SERPINE2: variants seen among roughly 807,000 people sequenced by gnomAD.
SERPINE2 encodes the protein glia-derived nexin.
Under a neutral mutation model 36.3 loss-of-function variants are expected in SERPINE2, and 14 were observed. The observed-to-expected ratio is 0.39, with a 90% CI of 0.25 to 0.60. The LOEUF (loss-of-function observed/expected upper bound fraction) is 0.60, where lower values mean the gene tolerates loss of function less well. Among genes scored for constraint, SERPINE2 ranks in the 20% least tolerant of loss-of-function variants. The pLI, the probability that SERPINE2 is intolerant of heterozygous loss-of-function variation, is 0.57. For missense variants in SERPINE2, 418 were observed against 499.6 expected (o/e 0.84, Z 1.56); for synonymous variants, 192 against 191.8 (o/e 1.00, Z -0.01).
chr2:224,003,823 T>C (rs75160057), intron 1 of SERPINE2, among the ~76,000 whole-genome samples: 2,344 of 152,268 alleles, frequency 0.015, 51 homozygotes, highest in African/African-American at 0.053. Flanking sequence ...TGTGTCCCAC[T>C]CTGTTGTTAC....
chr2:224,038,382 G>T, intron 1 of SERPINE2: 1 of 853,722 alleles, frequency 1.2e-6, no homozygotes, highest in South Asian at 1.5e-5. Flanking sequence ...ATACCTGAAG[G>T]TGGAGTGCTG....
intron 1 of SERPINE2, among the ~76,000 whole-genome samples, chr2:224,006,570 TC>T (rs1472449014): frequency 1.3e-5 from 2 of 152,174 alleles, no homozygotes; most frequent in Non-Finnish European, 2.9e-5. Context: ...AAGTATGTTT[TC>T]TTTCCTCGCA....
intron 4 of SERPINE2, among the ~76,000 whole-genome samples, chr2:223,990,669 G>A (rs928625378): frequency 2.0e-5 from 3 of 152,126 alleles, no homozygotes; most frequent in African/African-American, 7.2e-5. Flanking sequence ...TCATATCCCA[G>A]GCAAAGTGAT....
chr2:223,990,339 C>T (rs1056727392), intron 4 of SERPINE2, among the ~76,000 whole-genome samples: 4 of 152,284 alleles, frequency 2.6e-5, no homozygotes, highest in African/African-American at 9.6e-5. Context: ...ATAAAACACA[C>T]ATGTATATTC....
At chr2:223,992,850 G>A (rs959339734) in intron 3 of SERPINE2, among the ~76,000 whole-genome samples, 1 of 152,210 alleles carries the variant, frequency 6.6e-6, no homozygotes, top group Non-Finnish European at 1.5e-5. Context: ...AGTGGCTTAT[G>A]TCTGTAATCC....
chr2:224,012,498 G>A (rs1691663638), intron 1 of SERPINE2, among the ~76,000 whole-genome samples: 1 of 151,844 alleles, frequency 6.6e-6, no homozygotes, highest in South Asian at 2.1e-4. Context: ...AGCTACTTGG[G>A]AGGCTGAGGC....
chr2:223,985,005 T>A, intron 4 of SERPINE2, 55 bp from the exon 5 acceptor site: 1 of 1,524,958 alleles, frequency 6.6e-7, no homozygotes, highest in Non-Finnish European at 9.1e-7. Context: ...AGAAGCAGGA[T>A]GAGTGCTTGC....
intron 1 of SERPINE2, among the ~76,000 whole-genome samples, chr2:224,034,549 A>C (rs1030259852): frequency 6.6e-6 from 1 of 152,174 alleles, no homozygotes; most frequent in Non-Finnish European, 1.5e-5. Context: ...TGGTGAGCCC[A>C]TGGAGCACTG....
chr2:223,985,477 T>C (rs1453624397), intron 4 of SERPINE2, among the ~76,000 whole-genome samples: 2 of 152,182 alleles, frequency 1.3e-5, no homozygotes, highest in African/African-American at 2.4e-5. Context: ...AATTTACTCA[T>C]TGAGCAGGAA....
chr2:224,027,761 C>A (rs1337846348), intron 1 of SERPINE2, among the ~76,000 whole-genome samples: 1 of 152,166 alleles, frequency 6.6e-6, no homozygotes, highest in African/African-American at 2.4e-5. Flanking sequence ...GCCCTTTCTA[C>A]CTAAATAAAC....
At chr2:223,981,798 G>A (rs1264174614) in intron 6 of SERPINE2, 1 of 152,182 alleles carries the variant, frequency 6.6e-6, no homozygotes, top group Non-Finnish European at 1.5e-5. Flanking sequence ...TGCCTTAATT[G>A]CTTTGGCAAA....
At chr2:223,985,005 T>G in intron 4 of SERPINE2, 55 bp from the exon 5 acceptor site, 16 of 1,524,958 alleles carry the variant, frequency 1.0e-5, no homozygotes, top group Non-Finnish European at 1.4e-5. Context: ...AGAAGCAGGA[T>G]GAGTGCTTGC....
intron 7 of SERPINE2, chr2:223,980,060 T>C (rs189211229): frequency 1.6e-5 from 6 of 382,092 alleles, no homozygotes; most frequent in African/African-American, 1.2e-4. Flanking sequence ...TGGCTCTTTA[T>C]AGAAGTTTGC....
chr2:223,983,457 G>A (rs554366568), intron 5 of SERPINE2, among the ~76,000 whole-genome samples: 2 of 152,088 alleles, frequency 1.3e-5, no homozygotes, highest in East Asian at 3.9e-4. Context: ...GTTTTTCCAT[G>A]TTGGCCAGGC....
At chr2:224,035,132 G>A (rs552069105) in intron 1 of SERPINE2, among the ~76,000 whole-genome samples, 2 of 152,154 alleles carry the variant, frequency 1.3e-5, no homozygotes, top group South Asian at 4.2e-4. Flanking sequence ...AGAGTTAGAA[G>A]GGATGCAACA....
At chr2:224,011,965 C>T (rs1161759354) in intron 1 of SERPINE2, among the ~76,000 whole-genome samples, 1 of 152,126 alleles carries the variant, frequency 6.6e-6, no homozygotes, top group Non-Finnish European at 1.5e-5. Flanking sequence ...ATGGTTTATA[C>T]CTGTTACCTC....
intron 1 of SERPINE2, among the ~76,000 whole-genome samples, chr2:224,029,513 T>C (rs1692289239): frequency 6.6e-6 from 1 of 152,244 alleles, no homozygotes; most frequent in South Asian, 2.1e-4. Flanking sequence ...CATCACCATG[T>C]GCTTTAACAA....
rs1689968005 is a variant in SERPINE2 at position 223,975,409 on chromosome 2, GA to G, written c.*457del. ...AATAACGCTTGCTATCAAGACTTTG[GA>G]GGGGGATGGGGGAAAAGAATTTAAA... On this transcript the variant is annotated 3_prime_UTR_variant, in exon 9 of 9. Coordinates refer to ENST00000409304, the MANE Select transcript of SERPINE2 (RefSeq NM_001136528.2). 1 of 153,008 alleles carries G rather than the reference GA, an allele frequency of 6.5e-6. No homozygotes were observed. Among genetic ancestry groups the G allele is most frequent in the East Asian group, 1.9e-4 (1 of 5,210 alleles). The allele number at this position is 153,008 out of a possible 1,614,324, so 9.5% of individuals were successfully genotyped here.
chr2:224,029,229 C>T (rs556091926), intron 1 of SERPINE2, among the ~76,000 whole-genome samples: 22 of 152,226 alleles, frequency 1.4e-4, no homozygotes, highest in Non-Finnish European at 2.1e-4. Flanking sequence ...AAAATCCACA[C>T]CTTTAGAAAG....
Sources: allele counts gnomAD v4.1 joint callset (sites outside exome capture counted in the v4.1 genomes callset), GRCh38; gene constraint gnomAD v4.1.1; transcripts MANE v1.5; gene names NCBI Gene and HGNC (gene_info 2026-07-23, HGNC 2026-07-21).